ERC1: variants seen among roughly 807,000 people sequenced by gnomAD.
ERC1 encodes ELKS/RAB6-interacting/CAST family member 1.
A neutral mutation model predicts 132.0 loss-of-function variants in ERC1; 56 were observed. The observed-to-expected ratio is 0.42, with a 90% confidence interval of 0.34 to 0.53. The LOEUF (loss-of-function observed/expected upper bound fraction) is 0.53. ERC1 is among the 20% of genes least tolerant of loss of function. ERC1 has a pLI of 0.03. For missense variants in ERC1, 1,202 were observed against 1,349.9 expected (o/e 0.89, Z 1.72); for synonymous variants, 478 against 476.1 (o/e 1.00, Z -0.05).
intron 17 of ERC1, among the ~76,000 whole-genome samples, chr12:1,418,646 TCTC>T (rs2092276491): frequency 7.3e-6 from 1 of 137,548 alleles, no homozygotes; most frequent in African/African-American, 2.8e-5. Flanking sequence ...TTTCTTTCTC[TCTC>T]TCTCTCTCTC....
intron 15 of ERC1, among the ~76,000 whole-genome samples, chr12:1,307,595 A>G (rs1044328060): frequency 6.6e-6 from 1 of 152,214 alleles, no homozygotes; most frequent in Non-Finnish European, 1.5e-5. Flanking sequence ...AGACGGTTCC[A>G]GAGCTGTGTT....
At chr12:1,151,558 T>C (rs1363173398) in intron 8 of ERC1, among the ~76,000 whole-genome samples, 11 of 152,218 alleles carry the variant, frequency 7.2e-5, no homozygotes, top group Admixed American at 6.5e-4. Flanking sequence ...TTCAGGTCAT[T>C]ATTCTCCTCT....
intron 14 of ERC1, among the ~76,000 whole-genome samples, chr12:1,288,254 T>C (rs2079169672): frequency 1.3e-5 from 2 of 152,246 alleles, no homozygotes; most frequent in South Asian, 4.1e-4. Context: ...CCCAGTATAT[T>C]ACATAGCAAT....
At chr12:1,005,197 G>T (rs1025149626) in intron 1 of ERC1, among the ~76,000 whole-genome samples, 3 of 152,032 alleles carry the variant, frequency 2.0e-5, no homozygotes, top group African/African-American at 7.3e-5. Flanking sequence ...TGTCACCCAG[G>T]CTGGAGTGCG....
At chr12:1,271,517 A>T (rs1370762168) in intron 14 of ERC1, among the ~76,000 whole-genome samples, 1 of 152,198 alleles carries the variant, frequency 6.6e-6, no homozygotes, top group Non-Finnish European at 1.5e-5. Context: ...AATGTTAGCT[A>T]CATTATCGTC....
intron 13 of ERC1, among the ~76,000 whole-genome samples, chr12:1,245,405 T>C (rs960368849): frequency 5.3e-5 from 8 of 152,226 alleles, no homozygotes; most frequent in African/African-American, 1.9e-4. Flanking sequence ...TTGATCATTA[T>C]TTGTGAGATT....
Position 1,357,296 on chromosome 12 carries a change from G to A in ERC1, c.2781-14537G>A, listed in dbSNP as rs531345577. Among the ~76,000 whole-genome samples, 154 of 152,324 alleles carry A rather than the reference G, an allele frequency of 1.0e-3. 1 individual carries two copies. The highest frequency in any genetic ancestry group is 2.9e-3 in the South Asian group (14 of 4,832). On this transcript the variant is annotated intron_variant, in intron 15 of 18. Coordinates refer to ENST00000360905, the MANE Select transcript of ERC1 (RefSeq NM_178040.4). ...CTAGCAAACGTCATGACAAACAGAC[G>A]TGGAATGCAGCACAGGCTAAAGAAA... is the stretch of plus-strand genomic sequence containing the variant.
intron 2 of ERC1, among the ~76,000 whole-genome samples, chr12:1,040,706 T>C (rs1444103125): frequency 1.3e-5 from 2 of 152,092 alleles, no homozygotes; most frequent in South Asian, 2.1e-4. Flanking sequence ...CTGAACCCTT[T>C]CCCCCTTTAT....
chr12:1,097,880 A>G (rs1455522105), intron 3 of ERC1, among the ~76,000 whole-genome samples: 2 of 151,776 alleles, frequency 1.3e-5, no homozygotes, highest in African/African-American at 4.8e-5. Context: ...ATGCTCAGCT[A>G]CTTTTTGTAT....
chr12:1,492,257 G>C lies in ERC1; in HGVS notation c.*2027G>C, dbSNP rs560361526. 2.0e-3 allele frequency: 456 copies of C among 233,236 alleles called. 2 individuals carry two copies. The highest frequency in any genetic ancestry group is 2.2e-3 in the Non-Finnish European group (264 of 118,010). The allele number at this position is 233,236 out of a possible 1,614,324, so 14.4% of individuals were successfully genotyped here. ...GTTAGATAGTAAGTGGTGGTCGTTT[G>C]TGGTCAGTTACCTCAATTCTGTTCA... On this transcript the variant is annotated 3_prime_UTR_variant, in exon 19 of 19. Coordinates refer to ENST00000360905, the MANE Select transcript of ERC1 (RefSeq NM_178040.4).
At chr12:1,333,311 C>T (rs995698893) in intron 15 of ERC1, among the ~76,000 whole-genome samples, 11 of 149,568 alleles carry the variant, frequency 7.4e-5, no homozygotes, top group Non-Finnish European at 1.0e-4. Flanking sequence ...CATAGTATTC[C>T]GTGGTGTATA....
At chr12:1,014,783 T>A (rs953278141) in intron 1 of ERC1, among the ~76,000 whole-genome samples, 12 of 152,262 alleles carry the variant, frequency 7.9e-5, no homozygotes, top group Admixed American at 7.2e-4. Flanking sequence ...TTCCTTTTTT[T>A]GAAATGAAAT....
intron 15 of ERC1, among the ~76,000 whole-genome samples, chr12:1,335,955 T>G (rs1404885875): frequency 6.6e-6 from 1 of 152,182 alleles, no homozygotes; most frequent in African/African-American, 2.4e-5. Context: ...ATTATGGGCC[T>G]GTTCAGGGAT....
chr12:1,120,902 C>T (rs1193036656), intron 7 of ERC1, among the ~76,000 whole-genome samples: 1 of 152,106 alleles, frequency 6.6e-6, no homozygotes, highest in Non-Finnish European at 1.5e-5. Flanking sequence ...AGCTAGGATG[C>T]TGTTGTTTGA....
At chr12:1,122,205 GT>G (rs1947467546) in intron 7 of ERC1, among the ~76,000 whole-genome samples, 4 of 17,122 alleles carry the variant, frequency 2.3e-4, no homozygotes, top group African/African-American at 7.0e-4. Context: ...CTCTATCTGT[GT>G]CTCTATCTCT....
intron 15 of ERC1, among the ~76,000 whole-genome samples, chr12:1,318,407 T>G (rs2154352933): frequency 6.6e-6 from 1 of 152,304 alleles, no homozygotes; most frequent in East Asian, 1.9e-4. Context: ...TGTGGAACTG[T>G]TTTTGGACTA....
rs571273019 is a variant in ERC1, at chr12:1,383,477, A to C, written c.2925+11500A>C. ...CTAATGTAGATACTCATTAAAAGCA[A>C]ATGTGAATTAGACAAGTGTGGTGGC... is the stretch of plus-strand genomic sequence containing the variant. On this transcript the variant is annotated intron_variant, in intron 16 of 18. Transcript: ENST00000360905. Among the ~76,000 whole-genome samples, 5 of 152,266 alleles carry C rather than the reference A, an allele frequency of 3.3e-5. No individual in the cohort carries two copies. In the East Asian group the frequency reaches 9.7e-4, roughly 29 times the overall value.
At chr12:1,006,529 C>T (rs995334558) in intron 1 of ERC1, among the ~76,000 whole-genome samples, 12 of 152,048 alleles carry the variant, frequency 7.9e-5, no homozygotes, top group Admixed American at 2.0e-4. Context: ...ACTACAGGGG[C>T]GTGCCACCAT....
At chr12:1,455,246 C>T (rs1370338726) in intron 18 of ERC1, among the ~76,000 whole-genome samples, 2 of 152,174 alleles carry the variant, frequency 1.3e-5, no homozygotes, top group Non-Finnish European at 2.9e-5. Flanking sequence ...CTCTTCTAAT[C>T]TTCATACAAT....
Sources: gnomAD v4.1 joint callset for allele counts (sites outside exome capture counted in the v4.1 genomes callset) on GRCh38, gnomAD v4.1.1 for gene constraint, MANE v1.5 for transcripts, NCBI Gene and HGNC (gene_info 2026-07-23, HGNC 2026-07-21) for gene names.